Variants in TBC1D9B observed in about 807,000 individuals in gnomAD.
The protein encoded by TBC1D9B is TBC1 domain family, member 9B (with GRAM domain).
In TBC1D9B, 87 loss-of-function variants were observed where a neutral mutation model predicts 121.1. The observed-to-expected ratio is 0.72, with a 90% CI of 0.60 to 0.86. The LOEUF (loss-of-function observed/expected upper bound fraction) is 0.86. Ranked by LOEUF, TBC1D9B falls within the 40% of genes least tolerant of loss-of-function variation. The pLI is 0.00. For synonymous variants in TBC1D9B, 668 were observed against 670.1 expected (o/e 1.00, Z 0.05); for missense variants, 1,540 against 1,628.6 (o/e 0.95, Z 0.94).
chr5:179,863,615 A>G lies in TBC1D9B; in HGVS notation c.3535T>C (p.Trp1179Arg). The G allele has an allele frequency of 6.2e-7, 1 of 1,613,980 alleles. No homozygotes were observed. ...ARIGGTVDTD[W>R]CISFEQILAS... ...AGGATCTGCTCAAAGGAGATGCACCAGTCGGTGTCGACGGTGCCGCCGATG... is the reference window on the plus strand; with the variant it reads ...AGGATCTGCTCAAAGGAGATGCACCGGTCGGTGTCGACGGTGCCGCCGATG... Residue 1179 changes from tryptophan (W) to arginine (R), a missense_variant, in exon 21 of 21, where the codon TGG (tryptophan) becomes CGG (arginine). By Grantham distance (101) the Trp-to-Arg change is moderately radical (BLOSUM62 -3). Coordinates refer to ENST00000355235, the MANE Select transcript of TBC1D9B (RefSeq NM_015043.4). This position sits in a 1 kb window ranked among gnomAD's most constrained non-coding sequence, Gnocchi z 4.5.
Position 179,891,310 on chromosome 5 carries a change from G to GCCCA in TBC1D9B, c.1044+68_1044+69insTGGG. On this transcript the variant is annotated intron_variant, in intron 6 of 20. Coordinates refer to ENST00000355235, the MANE Select transcript of TBC1D9B (RefSeq NM_015043.4). This position sits in a 1 kb window ranked among gnomAD's most constrained non-coding sequence, Gnocchi z 4.3. The stretch of plus-strand genomic sequence containing the variant: ...AGTGAGACAGGGCAGAGCAGGACAG[G>GCCCA]CTGGTCCCTGAGCCCACTGACACCT... 1 of 1,572,512 alleles carries GCCCA rather than the reference G, an allele frequency of 6.4e-7. No individual in the cohort carries two copies.
chr5:179,905,183 G>GTACTTTT (rs1364294384), intron 1 of TBC1D9B, among the ~76,000 whole-genome samples: 2 of 152,100 alleles, frequency 1.3e-5, no homozygotes, highest in East Asian at 3.8e-4. Context: ...AGAGCTACAC[G>GTACTTTT]TTAAAGTTAA....
chr5:179,872,848 G>GGCCCCCCCCCCCCCCCCCCCCCCC, intron 14 of TBC1D9B, 44 bp downstream of exon 14: 37 of 1,457,196 alleles, frequency 2.5e-5, no homozygotes, highest in East Asian at 1.9e-4. Flanking sequence ...AGGCACTGCT[G>GGCCCCCCCCCCCCCCCCCCCCCCC]CCCCCCCAGC....
At chr5:179,866,485 GGCACCTCAGGCAGGTCGGCA>G (rs1488433592) in intron 18 of TBC1D9B, 1 of 152,348 alleles carries the variant, frequency 6.6e-6, no homozygotes, top group East Asian at 1.9e-4. Flanking sequence ...GGCTGGTGGG[GGCACCTCAGGCAGGTCGGCA>G]GCACCCCAGT....
In TBC1D9B at chr5:179,863,616, G is replaced by A. The variant is rs777455692; in HGVS notation, c.3534C>T (p.Asp1178=). ...GGATCTGCTCAAAGGAGATGCACCA[G>A]TCGGTGTCGACGGTGCCGCCGATGC... ...TARIGGTVDT[D]WCISFEQILA... is the part of the protein sequence containing the mutation. Residue 1178 remains aspartate, a synonymous_variant, in exon 21 of 21, where the codon GAC becomes GAT. Transcript: ENST00000355235. The surrounding 1 kb of genome is among the most constrained non-coding windows in gnomAD (Gnocchi z 4.5). 1 of 1,613,986 alleles carries A rather than the reference G, an allele frequency of 6.2e-7. No homozygotes were observed.
In TBC1D9B at chr5:179,907,896, G is replaced by C. The variant is rs1761374274; in HGVS notation, c.-75C>G. 1.2e-6 allele frequency: 1 copy of C among 864,254 alleles called. No homozygotes were observed. The highest frequency in any genetic ancestry group is 1.4e-6 in the Non-Finnish European group (1 of 726,874). The allele number at this position is 864,254 out of a possible 1,614,324, so 53.5% of individuals were successfully genotyped here. On this transcript the variant is annotated 5_prime_UTR_variant, in exon 1 of 21. Transcript: ENST00000355235. The surrounding 1 kb of genome is among the most constrained non-coding windows in gnomAD (Gnocchi z 5.3). Reference sequence around the variant, plus strand: ...CGCCGTCGGCGTCCCGGAGCGGAGCGTGCGGAGCGGAGCGTGCGGAGCGGG... The same window carrying C: ...CGCCGTCGGCGTCCCGGAGCGGAGCCTGCGGAGCGGAGCGTGCGGAGCGGG...
intron 17 of TBC1D9B, 82 bp downstream of exon 17, chr5:179,869,686 AG>A: frequency 6.7e-7 from 1 of 1,483,266 alleles, no homozygotes. Flanking sequence ...GAGGCCCCAC[AG>A]TCTCACAGAG....
intron 14 of TBC1D9B, chr5:179,872,641 G>A: frequency 1.9e-6 from 1 of 528,676 alleles, no homozygotes. Context: ...CTGGGCATGT[G>A]GCTTTCAGGG....
intron 10 of TBC1D9B, among the ~76,000 whole-genome samples, chr5:179,877,565 G>T (rs1760393896): frequency 6.6e-6 from 1 of 151,316 alleles, no homozygotes; most frequent in South Asian, 2.1e-4. Context: ...TCAAGAGGCT[G>T]AGGCAGGAGA....
intron 2 of TBC1D9B, among the ~76,000 whole-genome samples, chr5:179,901,243 T>C (rs1018126598): frequency 1.8e-4 from 27 of 152,136 alleles, no homozygotes; most frequent in Middle Eastern, 3.2e-3. Flanking sequence ...TAAACTTTTT[T>C]TTTCATTTTT....
At chr5:179,880,029 T>A in intron 7 of TBC1D9B, 1 of 580,622 alleles carries the variant, frequency 1.7e-6, no homozygotes. Context: ...CACCAGCGAG[T>A]CAGTCTCAGG....
chr5:179,907,000 G>A (rs530025653), intron 1 of TBC1D9B, among the ~76,000 whole-genome samples: 28 of 152,232 alleles, frequency 1.8e-4, no homozygotes, highest in African/African-American at 6.3e-4. Context: ...GCCTCCCCTG[G>A]ATCCCACAGG....
rs1760306848 is a variant in TBC1D9B, at chr5:179,874,639, C to CT, written c.2186+262dup. Among the ~76,000 whole-genome samples, 1 of 152,192 alleles carries CT rather than the reference C, an allele frequency of 6.6e-6. No individual in the cohort carries two copies. The highest frequency in any genetic ancestry group is 2.4e-5 in the African/African-American group (1 of 41,446). On this transcript the variant is annotated intron_variant, in intron 12 of 20. Transcript: ENST00000355235. The surrounding 1 kb of genome is among the most constrained non-coding windows in gnomAD (Gnocchi z 4.3). ...TCTGGTTTGCCCTCAGGGGAAGCAT[C>CT]TCCAACCCTACATCTGAGCGGTGGC...
intron 1 of TBC1D9B, among the ~76,000 whole-genome samples, chr5:179,905,704 A>G (rs987582081): frequency 2.6e-5 from 4 of 152,214 alleles, no homozygotes; most frequent in African/African-American, 4.8e-5. Flanking sequence ...TGTTTGATTC[A>G]CTAATTGAAT....
At chr5:179,881,722 A>G (rs955479771) in intron 7 of TBC1D9B, among the ~76,000 whole-genome samples, 4 of 152,046 alleles carry the variant, frequency 2.6e-5, no homozygotes, top group South Asian at 2.1e-4. Context: ...TAGAAAGTGT[A>G]TATTTATACT....
chr5:179,873,060 AC>A, intron 13 of TBC1D9B, 58 bp downstream of exon 13: 1 of 1,612,944 alleles, frequency 6.2e-7, no homozygotes, highest in East Asian at 2.2e-5. Context: ...GCCCATAGCC[AC>A]CCCAACCCAC....
At chr5:179,888,060 C>T (rs376723332) in intron 7 of TBC1D9B, 43 bp downstream of exon 7, 1 of 1,610,312 alleles carries the variant, frequency 6.2e-7, no homozygotes, top group Non-Finnish European at 8.5e-7. Context: ...CCTGGCTCTT[C>T]CTGGGCCCAA....
intron 1 of TBC1D9B, among the ~76,000 whole-genome samples, chr5:179,906,448 T>C (rs942574954): frequency 6.6e-6 from 1 of 152,226 alleles, no homozygotes; most frequent in Admixed American, 6.5e-5. Context: ...CACATAAGCC[T>C]GCCGAGCACA....
At position 179,874,853 on chromosome 5, in the gene TBC1D9B, A is replaced by G. The variant is rs1022613442; in HGVS notation, c.2186+49T>C. 2 of 1,591,528 alleles carry G rather than the reference A, an allele frequency of 1.3e-6. No individual in the cohort carries two copies. Among genetic ancestry groups the G allele is most frequent in the South Asian group, 1.1e-5 (1 of 88,688 alleles). ...GACTGGACAGTGCCCGGGGCTGGTG[A>G]GGGGTTCTGCTGTGAGCCCCCAGCA... On this transcript the variant is annotated intron_variant, in intron 12 of 20. Coordinates refer to ENST00000355235, the MANE Select transcript of TBC1D9B (RefSeq NM_015043.4). The surrounding 1 kb of genome is among the most constrained non-coding windows in gnomAD (Gnocchi z 4.3).
Sources: allele counts gnomAD v4.1 joint callset (sites outside exome capture counted in the v4.1 genomes callset), GRCh38; gene constraint gnomAD v4.1.1; non-coding constraint Gnocchi (gnomAD v3.1); transcripts MANE v1.5; gene names NCBI Gene and HGNC (gene_info 2026-07-23, HGNC 2026-07-21).